TRPS1: variants seen among roughly 807,000 people sequenced by gnomAD.
The protein encoded by TRPS1 is transcriptional repressor GATA binding 1, also known as zinc finger transcription factor Trps1.
Under a neutral mutation model 101.2 loss-of-function variants are expected in TRPS1, and 6 were observed. The observed-to-expected ratio is 0.06, with a 90% CI of 0.03 to 0.12. The LOEUF is 0.12. Among genes scored for constraint, TRPS1 ranks in the 10% least tolerant of loss-of-function variants. TRPS1 has a pLI of 1.00. For missense variants in TRPS1, 1,363 were observed against 1,567.0 expected, an observed-to-expected ratio of 0.87 and a Z score of 2.20; for synonymous variants, 578 against 589.8, an observed-to-expected ratio of 0.98 and a Z score of 0.29.
chr8:115,524,917 G>A (rs1257390130), intron 5 of TRPS1, among the ~76,000 whole-genome samples: 2 of 152,112 alleles, frequency 1.3e-5, no homozygotes, highest in Non-Finnish European at 2.9e-5. Context: ...ATTCCAAAAT[G>A]TATAATTTCT....
intron 6 of TRPS1, among the ~76,000 whole-genome samples, chr8:115,417,609 G>C (rs1812953350): frequency 6.6e-6 from 1 of 152,162 alleles, no homozygotes; most frequent in Admixed American, 6.5e-5. Flanking sequence ...TGGAGGATTT[G>C]TGAGTTTTAA....
chr8:115,452,454 C>T (rs1299223505), intron 5 of TRPS1, among the ~76,000 whole-genome samples: 2 of 152,096 alleles, frequency 1.3e-5, no homozygotes, highest in Non-Finnish European at 2.9e-5. Context: ...TATATATTTA[C>T]ATTTCTGAGA....
intron 3 of TRPS1, among the ~76,000 whole-genome samples, chr8:115,612,279 A>C (rs1282046035): frequency 3.9e-5 from 6 of 151,996 alleles, no homozygotes; most frequent in Admixed American, 3.9e-4. Flanking sequence ...GGAGGAGGAA[A>C]GAATAGGAGG....
chr8:115,441,894 A>AGTGTGTGTGTGTGTGT (rs746166025), intron 5 of TRPS1, among the ~76,000 whole-genome samples: 16 of 132,166 alleles, frequency 1.2e-4, no homozygotes, highest in African/African-American at 3.3e-5. Flanking sequence ...AGAGAGAGAG[A>AGTGTGTGTGTGTGTGT]GAGAGTGTGT....
chr8:115,599,138 T>G (rs1817852311), intron 4 of TRPS1, among the ~76,000 whole-genome samples: 1 of 152,162 alleles, frequency 6.6e-6, no homozygotes, highest in South Asian at 2.1e-4. Context: ...TTCCATATCT[T>G]ACTAAATGTC....
At position 115,609,478 on chromosome 8, in the gene TRPS1, A is replaced by G. The variant is rs537632114; in HGVS notation, c.967-4476T>C. On this transcript the variant is annotated intron_variant, in intron 3 of 6. Coordinates refer to ENST00000395715, the MANE Select transcript of TRPS1 (RefSeq NM_014112.5). ...GCAGGAGTTCAATGCATTTTGACTG[A>G]ATGAATGAACGAAGGGAGATGTAAG... Among the ~76,000 whole-genome samples, 5 of 152,314 alleles carry G rather than the reference A, an allele frequency of 3.3e-5. No homozygotes were observed. The East Asian group carries it at 9.7e-4, about 29-fold the overall frequency.
intron 1 of TRPS1, among the ~76,000 whole-genome samples, chr8:115,648,949 C>CT (rs1283145492): frequency 6.6e-6 from 1 of 151,840 alleles, no homozygotes; most frequent in Non-Finnish European, 1.5e-5. Context: ...TATAAATAAA[C>CT]TAAGAAATAC....
chr8:115,446,300 AC>A (rs1485280376), intron 5 of TRPS1, among the ~76,000 whole-genome samples: 1 of 150,014 alleles, frequency 6.7e-6, no homozygotes, highest in Non-Finnish European at 1.5e-5. Context: ...CTTCGCTTCC[AC>A]CATCAAAAAA....
intron 5 of TRPS1, among the ~76,000 whole-genome samples, chr8:115,558,399 A>C (rs2130361058): frequency 6.6e-6 from 1 of 152,292 alleles, no homozygotes; most frequent in South Asian, 2.1e-4. Context: ...AGGAATGGCC[A>C]GTCGAGGCTT....
intron 5 of TRPS1, among the ~76,000 whole-genome samples, chr8:115,525,870 C>A (rs1468852827): frequency 6.6e-6 from 1 of 152,084 alleles, no homozygotes; most frequent in Non-Finnish European, 1.5e-5. Context: ...TACAGGATTT[C>A]ACTTGTTTGG....
chr8:115,575,770 A>G (rs958390727), intron 5 of TRPS1, among the ~76,000 whole-genome samples: 2 of 152,166 alleles, frequency 1.3e-5, no homozygotes, highest in African/African-American at 4.8e-5. Context: ...ATAAAGAACA[A>G]AGATAGGTTT....
At chr8:115,474,946 G>A (rs1228361667) in intron 5 of TRPS1, among the ~76,000 whole-genome samples, 1 of 151,924 alleles carries the variant, frequency 6.6e-6, no homozygotes, top group Non-Finnish European at 1.5e-5. Context: ...TGGGTTCCCA[G>A]AATCAAGAAG....
chr8:115,421,356 AT>A (rs1252791138), intron 5 of TRPS1, among the ~76,000 whole-genome samples: 1 of 152,172 alleles, frequency 6.6e-6, no homozygotes, highest in Non-Finnish European at 1.5e-5. Context: ...CTCAAATCCT[AT>A]TTGCCAAGAG....
chr8:115,581,939 A>G (rs1338310294), intron 5 of TRPS1, among the ~76,000 whole-genome samples: 1 of 152,204 alleles, frequency 6.6e-6, no homozygotes, highest in East Asian at 1.9e-4. Flanking sequence ...CTCTGCATAT[A>G]GTCAATAGTT....
intron 1 of TRPS1, chr8:115,637,257 T>C: frequency 1.0e-6 from 1 of 985,428 alleles, no homozygotes; most frequent in Non-Finnish European, 1.2e-6. Context: ...TTGCCAAGGT[T>C]AATAAGACAG....
intron 1 of TRPS1, among the ~76,000 whole-genome samples, chr8:115,653,874 G>A (rs1811620237): frequency 6.6e-6 from 1 of 152,196 alleles, no homozygotes; most frequent in Non-Finnish European, 1.5e-5. Context: ...GCATTTCAAA[G>A]ACACTTCTGG....
chr8:115,451,854 G>A (rs1266202165), intron 5 of TRPS1, among the ~76,000 whole-genome samples: 2 of 152,100 alleles, frequency 1.3e-5, no homozygotes, highest in African/African-American at 2.4e-5. Context: ...TGAAAGAAAG[G>A]CCCATTCTCT....
intron 5 of TRPS1, among the ~76,000 whole-genome samples, chr8:115,522,814 T>C (rs1227714493): frequency 6.6e-6 from 1 of 152,168 alleles, no homozygotes; most frequent in Non-Finnish European, 1.5e-5. Context: ...AGGTTATTTT[T>C]TACCTTCTGT....
At chr8:115,558,728 T>C (rs1816881762) in intron 5 of TRPS1, among the ~76,000 whole-genome samples, 1 of 152,158 alleles carries the variant, frequency 6.6e-6, no homozygotes, top group Admixed American at 6.6e-5. Flanking sequence ...TTCTGTAACA[T>C]AGTTTTATGA....
Sources: gnomAD v4.1 joint callset for allele counts (sites outside exome capture counted in the v4.1 genomes callset) on GRCh38, gnomAD v4.1.1 for gene constraint, MANE v1.5 for transcripts, NCBI Gene and HGNC (gene_info 2026-07-23, HGNC 2026-07-21) for gene names.